The following WDR41 variants were observed in gnomAD, a reference collection of about 807,000 sequenced individuals.
WDR41 encodes the protein WD repeat-containing protein 41.
Under a neutral mutation model 69.3 loss-of-function variants are expected in WDR41, and 63 were observed. The ratio of observed to expected loss-of-function variants is 0.91; its 90% CI spans 0.74 to 1.12. The LOEUF is 1.12. Among genes scored for constraint, WDR41 ranks in the 50% most tolerant of loss-of-function variants. The probability of loss-of-function intolerance (pLI) is 0.00; values close to 1 mark genes in which losing one functional copy is unlikely to be tolerated. For missense variants in WDR41, 543 were observed against 534.5 expected (o/e 1.02, Z -0.16); for synonymous variants, 185 against 192.1 (o/e 0.96, Z 0.31).
intron 1 of WDR41, among the ~76,000 whole-genome samples, chr5:77,574,686 C>A (rs1389269157): frequency 6.6e-6 from 1 of 152,196 alleles, no homozygotes; most frequent in Non-Finnish European, 1.5e-5. Context: ...ATTTCTTACA[C>A]CCCATTACCT....
chr5:77,590,331 C>T (rs1744113476), intron 1 of WDR41, among the ~76,000 whole-genome samples: 1 of 152,118 alleles, frequency 6.6e-6, no homozygotes, highest in African/African-American at 2.4e-5. Flanking sequence ...GATAGGTTCA[C>T]ATGACTGAGC....
chr5:77,601,572 C>T (rs1221326858), intron 1 of WDR41, among the ~76,000 whole-genome samples: 1 of 152,108 alleles, frequency 6.6e-6, no homozygotes, highest in Non-Finnish European at 1.5e-5. Context: ...TTGTAGAAAA[C>T]CTTCACTACA....
At chr5:77,558,981 A>G (rs1443827365) in intron 1 of WDR41, among the ~76,000 whole-genome samples, 1 of 152,224 alleles carries the variant, frequency 6.6e-6, no homozygotes, top group Non-Finnish European at 1.5e-5. Flanking sequence ...AAGATTCCTT[A>G]GGGAATCAAA....
At chr5:77,456,787 G>C (rs181981873) in intron 5 of WDR41, among the ~76,000 whole-genome samples, 1 of 151,990 alleles carries the variant, frequency 6.6e-6, no homozygotes, top group Non-Finnish European at 1.5e-5. Context: ...CTGCAGCCTC[G>C]AACTCCTGGA....
At chr5:77,479,661 C>T (rs540356705) in intron 2 of WDR41, among the ~76,000 whole-genome samples, 2 of 152,224 alleles carry the variant, frequency 1.3e-5, no homozygotes, top group South Asian at 4.2e-4. Context: ...ACACCTTATA[C>T]AAAAATCAAT....
intron 1 of WDR41, among the ~76,000 whole-genome samples, chr5:77,547,827 C>A (rs1324590268): frequency 6.6e-6 from 1 of 152,082 alleles, no homozygotes; most frequent in Non-Finnish European, 1.5e-5. Context: ...ATGGCCAAAG[C>A]AAGGCTAAGC....
chr5:77,494,755 C>T (rs533332953), upstream of WDR41, among the ~76,000 whole-genome samples: 83 of 152,114 alleles, frequency 5.5e-4, no homozygotes, highest in South Asian at 0.017. Flanking sequence ...ATAGAACAAC[C>T]AGACAAGGTA....
At chr5:77,547,720 C>T (rs1419181362) in intron 1 of WDR41, among the ~76,000 whole-genome samples, 1 of 152,042 alleles carries the variant, frequency 6.6e-6, no homozygotes, top group Non-Finnish European at 1.5e-5. Context: ...AAGCAATCTA[C>T]AAATTCAGTG....
At chr5:77,562,926 C>T (rs915409606) in intron 1 of WDR41, among the ~76,000 whole-genome samples, 1 of 152,072 alleles carries the variant, frequency 6.6e-6, no homozygotes, top group Non-Finnish European at 1.5e-5. Flanking sequence ...TAAGATCTTC[C>T]GTGAAATTCT....
In WDR41 at chr5:77,431,731, AAATGTATGGGCCAAT is replaced by A; in HGVS notation, c.*1389_*1403del. ...ATACAACTTCAGAAAACAACTTTAC[AAATGTATGGGCCAAT>A]GCAGAATTTCTAAAGGAAAAAGCAC... On this transcript the variant is annotated 3_prime_UTR_variant, in exon 13 of 13. Transcript: ENST00000296679. 1 of 152,356 alleles carries A rather than the reference AAATGTATGGGCCAAT, an allele frequency of 6.6e-6. No individual in the cohort carries two copies. The highest frequency in any genetic ancestry group is 1.9e-4 in the East Asian group (1 of 5,188). 9.4% of individuals were successfully genotyped at this position (152,356 alleles called of 1,614,324 possible).
chr5:77,620,560 G>A (rs778733731), exon 1 of WDR41: 2 of 454,738 alleles, frequency 4.4e-6, no homozygotes, highest in South Asian at 3.1e-5. Context: ...TTCCTGGTCT[G>A]TGTACCTGCG....
At chr5:77,535,147 G>C (rs749284021) in intron 1 of WDR41, among the ~76,000 whole-genome samples, 1 of 152,022 alleles carries the variant, frequency 6.6e-6, no homozygotes, top group Non-Finnish European at 1.5e-5. Flanking sequence ...TCCTCTTACA[G>C]TCTCAGCTGG....
chr5:77,475,522 C>T (rs995667139), intron 2 of WDR41, among the ~76,000 whole-genome samples: 5 of 152,190 alleles, frequency 3.3e-5, no homozygotes, highest in African/African-American at 4.8e-5. Flanking sequence ...CCCTGACCCC[C>T]GAGCAGCCTA....
At chr5:77,513,794 C>T (rs1802245610) in intron 1 of WDR41, among the ~76,000 whole-genome samples, 1 of 152,086 alleles carries the variant, frequency 6.6e-6, no homozygotes, top group Non-Finnish European at 1.5e-5. Flanking sequence ...TTTCTAGCTC[C>T]TTTGACTACA....
intron 1 of WDR41, among the ~76,000 whole-genome samples, chr5:77,593,455 A>G (rs1317549644): frequency 6.6e-6 from 1 of 152,232 alleles, no homozygotes; most frequent in African/African-American, 2.4e-5. Context: ...TGTGTCCAGC[A>G]ACAGGAGAAT....
chr5:77,432,280 A>G lies in WDR41; in HGVS notation c.*855T>C, dbSNP rs1798751690. On this transcript the variant is annotated 3_prime_UTR_variant, in exon 13 of 13. Coordinates refer to ENST00000296679, the MANE Select transcript of WDR41 (RefSeq NM_018268.4). The stretch of plus-strand genomic sequence containing the variant: ...ATTTTCATTTTTTAGCACCAAAAGG[A>G]GAAAACATATTGTTACAAGGCTGGT... 6.6e-6 allele frequency: 1 copy of G among 152,252 alleles called. No homozygotes were observed. The highest frequency in any genetic ancestry group is 1.5e-5 in the Non-Finnish European group (1 of 68,044). The allele number at this position is 152,252 out of a possible 1,614,324, so 9.4% of individuals were successfully genotyped here. A position where few individuals can be genotyped will look rare whatever the true frequency, so the allele number is the denominator to read the frequency against.
chr5:77,442,869 G>A (rs1373015180), intron 8 of WDR41, among the ~76,000 whole-genome samples: 3 of 115,088 alleles, frequency 2.6e-5, no homozygotes, highest in African/African-American at 3.7e-5. Context: ...TCCAGCCTGG[G>A]CGACAGAGCG....
chr5:77,516,678 G>A (rs1802295553), intron 1 of WDR41, among the ~76,000 whole-genome samples: 1 of 152,304 alleles, frequency 6.6e-6, no homozygotes, highest in East Asian at 1.9e-4. Context: ...CAGAATTGAT[G>A]AAGGGATGAA....
intron 5 of WDR41, among the ~76,000 whole-genome samples, chr5:77,454,655 G>A (rs948766852): frequency 6.6e-6 from 1 of 152,060 alleles, no homozygotes; most frequent in African/African-American, 2.4e-5. Context: ...TACTCTCCTC[G>A]CCCACTGACT....
Sources: allele counts gnomAD v4.1 joint callset (sites outside exome capture counted in the v4.1 genomes callset), GRCh38; gene constraint gnomAD v4.1.1; transcripts MANE v1.5; gene names NCBI Gene and HGNC (gene_info 2026-07-23, HGNC 2026-07-21).